ECM2: variants seen among roughly 807,000 people sequenced by gnomAD.
The protein encoded by ECM2 is extracellular matrix protein 2.
Under a neutral mutation model 67.5 loss-of-function variants are expected in ECM2, and 57 were observed. The ratio of observed to expected loss-of-function variants is 0.84; its 90% CI spans 0.68 to 1.05. ECM2 has a LOEUF of 1.05. Among genes scored for constraint, ECM2 ranks in the 50% least tolerant of loss-of-function variants. The pLI is 0.00. For synonymous variants in ECM2, 258 were observed against 294.5 expected, an observed-to-expected ratio of 0.88 and a Z score of 1.27; for missense variants, 741 against 822.8, an observed-to-expected ratio of 0.90 and a Z score of 1.22.
In ECM2 at chr9:92,496,523, T is replaced by A. The variant is rs776505176; in HGVS notation, c.1932-40A>T. On this transcript the variant is annotated intron_variant, in intron 9 of 9. Transcript: ENST00000344604. ...ACATGCAAGTCACACATGGTCCCAG[T>A]AATAATCTGCCTTTAGGAGTTAAGT... 7.6e-6 allele frequency: 12 copies of A among 1,583,136 alleles called. No homozygotes were observed. In the Admixed American group the frequency reaches 1.2e-4, roughly 16 times the overall value.
intron 2 of ECM2, 88 bp downstream of exon 2, chr9:92,522,487 C>G: frequency 9.7e-5 from 112 of 1,149,554 alleles, no homozygotes; most frequent in South Asian, 1.5e-4. Context: ...TGGAGATGTT[C>G]TCCCTCTCTC....
rs771755378 is a variant in ECM2, at chr9:92,502,624, T to C, written c.1493A>G (p.Glu498Gly). Residue 498 changes from glutamate (E) to glycine (G), a missense_variant, in exon 8 of 10, where the codon GAA (glutamate) becomes GGA (glycine). Glu to Gly is a moderately conservative substitution (Grantham distance 98). Transcript: ENST00000344604. ...EELYLENNQIEEITEICFNHT... is the reference protein window; with the variant it reads ...EELYLENNQIGEITEICFNHT... The stretch of plus-strand genomic sequence containing the variant: ...ATTGAAACAAATTTCAGTTATTTCT[T>C]CAATTTGGTTATTTTCTAGGTATAA... 3.8e-6 allele frequency: 6 copies of C among 1,597,648 alleles called. No homozygotes were observed. In the South Asian group the frequency reaches 6.7e-5, roughly 18 times the overall value.
chr9:92,514,696 A>C lies in ECM2; in HGVS notation c.989T>G (p.Ile330Ser). 1 of 1,612,618 alleles carries C rather than the reference A, an allele frequency of 6.2e-7. No homozygotes were observed. The highest frequency in any genetic ancestry group is 8.5e-7 in the Non-Finnish European group (1 of 1,178,976). The part of the protein sequence containing the change: ...CSLSYRTISC[I>S]NAMLTQIPPL... ...TGGTATCTGGGTAAGCATGGCGTTGATGCAGCTGATGGTCCTGTAGGACAG... is the reference window on the plus strand; with the variant it reads ...TGGTATCTGGGTAAGCATGGCGTTGCTGCAGCTGATGGTCCTGTAGGACAG... The change falls in exon 4 of 10, where the codon ATC (isoleucine) becomes AGC (serine). Residue 330 changes from isoleucine to serine, a missense_variant. By Grantham distance (142) the Ile-to-Ser change is moderately radical. Transcript: ENST00000344604.
Position 92,495,665 on chromosome 9 carries a change from C to A in ECM2, c.*650G>T, listed in dbSNP as rs775648997. 7 of 887,930 alleles carry A rather than the reference C, an allele frequency of 7.9e-6. No homozygotes were observed. In the Admixed American group the frequency reaches 3.7e-4, roughly 47 times the overall value. 55.0% of individuals were successfully genotyped at this position (887,930 alleles called of 1,614,324 possible). Reference sequence around the variant, plus strand: ...TCAAAAAGAGTATAGAATTTATGCACACCCTTCTGCCAGCTTTCCTTAATG... The same window carrying A: ...TCAAAAAGAGTATAGAATTTATGCAAACCCTTCTGCCAGCTTTCCTTAATG... On this transcript the variant is annotated 3_prime_UTR_variant, in exon 10 of 10. Transcript: ENST00000344604.
intron 1 of ECM2, among the ~76,000 whole-genome samples, chr9:92,526,026 TTCTA>T: frequency 6.6e-6 from 1 of 152,284 alleles, no homozygotes; most frequent in South Asian, 2.1e-4. Flanking sequence ...AGTACATGCC[TTCTA>T]TCTATTTAAA....
intron 3 of ECM2, 148 bp from the exon 4 acceptor site, chr9:92,515,351 T>G (rs990862361): frequency 1.8e-6 from 2 of 1,120,868 alleles, no homozygotes; most frequent in Non-Finnish European, 2.3e-6. Flanking sequence ...AAATTCTTGC[T>G]TAAAAAGTTT....
Position 92,522,909 on chromosome 9 carries a change from A to C in ECM2, c.-27-16T>G. The C allele has an allele frequency of 6.5e-7, 1 of 1,549,992 alleles. No individual in the cohort carries two copies. Among genetic ancestry groups the C allele is most frequent in the Non-Finnish European group, 8.6e-7 (1 of 1,156,790 alleles). On this transcript the variant is annotated splice_polypyrimidine_tract_variant and intron_variant, in intron 1 of 9. Transcript: ENST00000344604. ...CAGCCAATTTCTAGAATGAAACAAT[A>C]TTTCAAAGTTAGTGGTGACTAAATT...
At chr9:92,496,954 A>T (rs1158240191) in intron 9 of ECM2, among the ~76,000 whole-genome samples, 1 of 152,100 alleles carries the variant, frequency 6.6e-6, no homozygotes, top group Non-Finnish European at 1.5e-5. Context: ...AAAAAAAAAA[A>T]ATCCAGAAGC....
At chr9:92,546,403 G>T in the ECM2 span, among the ~76,000 whole-genome samples, 1 of 152,006 alleles carries the variant, frequency 6.6e-6, no homozygotes, top group African/African-American at 2.4e-5. Flanking sequence ...TCACTCTTTG[G>T]GTCCACGCTG....
chr9:92,540,361 C>T (rs1849287619), upstream of ECM2, among the ~76,000 whole-genome samples: 1 of 151,454 alleles, frequency 6.6e-6, no homozygotes, highest in South Asian at 2.1e-4. Flanking sequence ...TCCCTTGAAC[C>T]CAGGCGGCAA....
chr9:92,536,275 T>C (rs1849157338), upstream of ECM2, among the ~76,000 whole-genome samples: 1 of 152,186 alleles, frequency 6.6e-6, no homozygotes, highest in African/African-American at 2.4e-5. Flanking sequence ...AAAAATGAGC[T>C]TGATTAAGAA....
At chr9:92,541,564 G>A (rs1849321780), upstream of ECM2, among the ~76,000 whole-genome samples, 1 of 151,388 alleles carries the variant, frequency 6.6e-6, no homozygotes, top group Non-Finnish European at 1.5e-5. Context: ...CCATATATAA[G>A]TGAGATCATG....
chr9:92,510,167 C>T, intron 5 of ECM2, 133 bp from the exon 6 acceptor site: 1 of 897,588 alleles, frequency 1.1e-6, no homozygotes, highest in South Asian at 2.4e-5. Context: ...CCAGGCCACA[C>T]AGCAAACCCC....
intron 3 of ECM2, among the ~76,000 whole-genome samples, chr9:92,516,209 AC>A (rs1260361026): frequency 6.6e-6 from 1 of 151,640 alleles, no homozygotes; most frequent in Admixed American, 6.6e-5. Flanking sequence ...GATTACAGGC[AC>A]CCCACCACCA....
At chr9:92,514,304 T>A (rs1392609942) in intron 4 of ECM2, among the ~76,000 whole-genome samples, 1 of 149,548 alleles carries the variant, frequency 6.7e-6, no homozygotes, top group Non-Finnish European at 1.5e-5. Context: ...AGATGGAGTC[T>A]CGCTCAAGTG....
At chr9:92,494,427 A>G (rs996485343), downstream of ECM2, among the ~76,000 whole-genome samples, 2 of 152,198 alleles carry the variant, frequency 1.3e-5, no homozygotes, top group Admixed American at 1.3e-4. Flanking sequence ...AAAATTAGTA[A>G]TGCACCTTCA....
At chr9:92,549,361 G>A in the ECM2 span, among the ~76,000 whole-genome samples, 3 of 152,174 alleles carry the variant, frequency 2.0e-5, no homozygotes, top group Non-Finnish European at 4.4e-5. Context: ...GTGAAAACTA[G>A]ATGAAGCTGG....
chr9:92,526,655 G>A (rs963700238), intron 1 of ECM2, among the ~76,000 whole-genome samples: 1 of 151,004 alleles, frequency 6.6e-6, no homozygotes, highest in Non-Finnish European at 1.5e-5. Flanking sequence ...AAAAAATCAA[G>A]AAGCCTTTAG....
chr9:92,528,550 A>G lies in ECM2; in HGVS notation c.-27-5657T>C, dbSNP rs1588237147. Among the ~76,000 whole-genome samples the G allele has an allele frequency of 7.8e-5, 5 of 64,132 alleles. 1 individual carries two copies. The highest frequency in any genetic ancestry group is 6.1e-4 in the Admixed American group (5 of 8,166). 42.1% of individuals were successfully genotyped at this position (64,132 alleles called of 152,430 possible). A position where few individuals can be genotyped will look rare whatever the true frequency, so the allele number is the denominator to read the frequency against. ...AACCTAAAGGACAAAGGGGAAAACA[A>G]AGCAAAACAAAACAAAAAAAACAGG... On this transcript the variant is annotated intron_variant, in intron 1 of 9. Coordinates refer to ENST00000344604, the MANE Select transcript of ECM2 (RefSeq NM_001393.4).
Sources: allele counts gnomAD v4.1 joint callset (sites outside exome capture counted in the v4.1 genomes callset), GRCh38; gene constraint gnomAD v4.1.1; transcripts MANE v1.5; gene names NCBI Gene and HGNC (gene_info 2026-07-23, HGNC 2026-07-21).